The following WASHC4 variants were observed in gnomAD, a reference collection of about 807,000 sequenced individuals.
The protein encoded by WASHC4 is WASH complex subunit 4.
Under a neutral mutation model 166.6 loss-of-function variants are expected in WASHC4, and 86 were observed. The ratio of observed to expected loss-of-function variants is 0.52; its 90% CI spans 0.43 to 0.62. The LOEUF (loss-of-function observed/expected upper bound fraction) is 0.62, where lower values mean the gene tolerates loss of function less well. WASHC4 is among the 20% of genes least tolerant of loss of function. The pLI is 0.00. For synonymous variants in WASHC4, 446 were observed against 451.6 expected (o/e 0.99, Z 0.16); for missense variants, 1,262 against 1,382.4 (o/e 0.91, Z 1.38).
At chr12:105,136,785 G>T (rs561821253) in intron 14 of WASHC4, among the ~76,000 whole-genome samples, 1 of 151,872 alleles carries the variant, frequency 6.6e-6, no homozygotes, top group Non-Finnish European at 1.5e-5. Flanking sequence ...TTGGTCTTAC[G>T]GTCACCTTTC....
intron 1 of WASHC4, among the ~76,000 whole-genome samples, chr12:105,108,083 A>T (rs1025763629): frequency 7.2e-5 from 11 of 152,178 alleles, no homozygotes; most frequent in African/African-American, 2.6e-4. Flanking sequence ...TCGGCGTGTG[A>T]GGCGGAGACT....
rs145365547 is a variant in WASHC4, at chr12:105,166,527, G to A, written c.3455-337G>A. On this transcript the variant is annotated intron_variant, in intron 32 of 32. Coordinates refer to ENST00000332180, the MANE Select transcript of WASHC4 (RefSeq NM_015275.3). ...TTTCTTGGCCCAGCTGGAGGAACTG[G>A]CGTGAGGGGAGCGGGCCTTTCTTAG... Among the ~76,000 whole-genome samples the A allele has an allele frequency of 3.4e-3, 520 of 152,218 alleles. 2 individuals are homozygous for A. The highest frequency in any genetic ancestry group is 6.8e-3 in the Middle Eastern group (2 of 294).
chr12:105,120,352 C>T (rs1880612953), intron 7 of WASHC4, among the ~76,000 whole-genome samples: 1 of 152,140 alleles, frequency 6.6e-6, no homozygotes, highest in South Asian at 2.1e-4. Context: ...ATCACAGTTA[C>T]TTTTGCACCA....
At chr12:105,118,146 A>G (rs1027586408) in intron 6 of WASHC4, among the ~76,000 whole-genome samples, 12 of 152,218 alleles carry the variant, frequency 7.9e-5, no homozygotes, top group African/African-American at 2.7e-4. Context: ...GGATATTCAA[A>G]GAAGGAATGA....
chr12:105,115,599 T>C (rs1880107815), intron 5 of WASHC4, 62 bp from the exon 6 acceptor site: 1 of 1,247,008 alleles, frequency 8.0e-7, no homozygotes, highest in Non-Finnish European at 1.2e-6. Context: ...TCCCCCTTTT[T>C]TGGTATTGAT....
rs892158186 is a variant in WASHC4 at position 105,141,379 on chromosome 12, A to G, written c.1787+133A>G. 15 of 759,000 alleles carry G rather than the reference A, an allele frequency of 2.0e-5. 1 individual carries two copies. The highest frequency in any genetic ancestry group is 9.0e-5 in the Admixed American group (5 of 55,748). The allele number at this position is 759,000 out of a possible 1,614,324, so 47.0% of individuals were successfully genotyped here. ...AGTTCCTTTCTGTAACTTCTTTAGCATGACCAAAATGAGATTGTGACTAGG... is the reference window on the plus strand; with the variant it reads ...AGTTCCTTTCTGTAACTTCTTTAGCGTGACCAAAATGAGATTGTGACTAGG... On this transcript the variant is annotated intron_variant, in intron 18 of 32. Transcript: ENST00000332180.
At position 105,140,903 on chromosome 12, in the gene WASHC4, G is replaced by A. The variant is rs755954686; in HGVS notation, c.1565G>A (p.Arg522Lys). The change falls in exon 17 of 33, where the codon AGA (arginine) becomes AAA (lysine). Residue 522 changes from arginine to lysine, a missense_variant. By Grantham distance (26) the Arg-to-Lys change is conservative. Transcript: ENST00000332180. ...TTTTCCTGTTTTATTTTTAAGAAAA[G>A]AGTGATTTCTGACAAAAAATACAGC... Reference protein sequence around the residue: ...ALHSISVAKKRVISDKKYSEQ... With the variant: ...ALHSISVAKKKVISDKKYSEQ... 12 of 1,613,762 alleles carry A rather than the reference G, an allele frequency of 7.4e-6. No individual in the cohort carries two copies. In the South Asian group the frequency reaches 1.2e-4, roughly 16 times the overall value.
intron 22 of WASHC4, 31 bp from the exon 23 acceptor site, chr12:105,146,421 T>A: frequency 8.4e-7 from 1 of 1,196,304 alleles, no homozygotes; most frequent in Non-Finnish European, 1.2e-6. Context: ...TAATGAATTA[T>A]AATAAAACTT....
intron 2 of WASHC4, among the ~76,000 whole-genome samples, chr12:105,113,643 T>G (rs1164832731): frequency 1.3e-5 from 2 of 152,026 alleles, no homozygotes; most frequent in Non-Finnish European, 2.9e-5. Context: ...AGTTAGTTAG[T>G]ATGTAACCAG....
intron 12 of WASHC4, among the ~76,000 whole-genome samples, 192 bp downstream of exon 12, chr12:105,126,554 A>G (rs1386875447): frequency 6.6e-6 from 1 of 152,040 alleles, no homozygotes; most frequent in African/African-American, 2.4e-5. Flanking sequence ...ATATTACTAC[A>G]TATTGGTAGA....
At chr12:105,150,091 G>C (rs896864840) in intron 25 of WASHC4, among the ~76,000 whole-genome samples, 4 of 152,090 alleles carry the variant, frequency 2.6e-5, no homozygotes, top group Non-Finnish European at 5.9e-5. Flanking sequence ...ATGGCTTTCA[G>C]ATATCTTTGT....
rs549941609 is a variant in WASHC4, at chr12:105,167,743, T to C, written c.*812T>C. 3.3e-5 allele frequency: 5 copies of C among 152,562 alleles called. No individual in the cohort carries two copies. The highest frequency in any genetic ancestry group is 7.4e-5 in the Non-Finnish European group (5 of 67,978). The allele number at this position is 152,562 out of a possible 1,614,324, so 9.5% of individuals were successfully genotyped here. ...TTATTTCTACATCCAAACTCAGGTTTCTTCTACATTAGATTGAATTGAAAT... is the reference window on the plus strand; with the variant it reads ...TTATTTCTACATCCAAACTCAGGTTCCTTCTACATTAGATTGAATTGAAAT... On this transcript the variant is annotated 3_prime_UTR_variant, in exon 33 of 33. Coordinates refer to ENST00000332180, the MANE Select transcript of WASHC4 (RefSeq NM_015275.3).
chr12:105,149,349 C>T, intron 24 of WASHC4: 3 of 1,055,046 alleles, frequency 2.8e-6, no homozygotes, highest in Non-Finnish European at 3.4e-6. Flanking sequence ...AGCCCTTAGT[C>T]CTATCATGAG....
chr12:105,108,278 C>G (rs56188051), intron 1 of WASHC4, among the ~76,000 whole-genome samples: 1 of 152,332 alleles, frequency 6.6e-6, no homozygotes, highest in Non-Finnish European at 1.5e-5. Flanking sequence ...GTCTGGGTTC[C>G]TGTTTCGGTT....
chr12:105,143,874 A>G (rs559578038), intron 20 of WASHC4, among the ~76,000 whole-genome samples: 31 of 152,128 alleles, frequency 2.0e-4, no homozygotes, highest in African/African-American at 7.0e-4. Flanking sequence ...AATAAAATAC[A>G]TGCCTGGATA....
At chr12:105,109,295 T>A (rs1169120742) in intron 1 of WASHC4, among the ~76,000 whole-genome samples, 2 of 152,166 alleles carry the variant, frequency 1.3e-5, no homozygotes, top group Admixed American at 6.5e-5. Context: ...GGAATAGAGT[T>A]ATGTTAATTG....
intron 24 of WASHC4, chr12:105,148,721 C>T (rs969945207): frequency 4.1e-6 from 4 of 984,922 alleles, no homozygotes; most frequent in East Asian, 1.1e-4. Context: ...CTGAGTAAAA[C>T]GGGCACAAAT....
At chr12:105,111,067 A>T (rs1369963692) in intron 1 of WASHC4, 58 bp from the exon 2 acceptor site, 9 of 1,271,224 alleles carry the variant, frequency 7.1e-6, no homozygotes, top group Non-Finnish European at 1.0e-5. Flanking sequence ...ATTTGAAGTA[A>T]ATGTCCTGCA....
At chr12:105,111,290 A>T in intron 2 of WASHC4, 26 bp downstream of exon 2, 1 of 1,480,492 alleles carries the variant, frequency 6.8e-7, no homozygotes, top group Non-Finnish European at 9.4e-7. Flanking sequence ...TTAAAAATAT[A>T]TGTATATATT....
Sources: allele counts gnomAD v4.1 joint callset (sites outside exome capture counted in the v4.1 genomes callset), GRCh38; gene constraint gnomAD v4.1.1; transcripts MANE v1.5; gene names NCBI Gene and HGNC (gene_info 2026-07-23, HGNC 2026-07-21).